The following GCLC variants were observed in gnomAD, a reference collection of about 807,000 sequenced individuals.
GCLC encodes the protein glutamate-cysteine ligase catalytic subunit, also known as glutamate--cysteine ligase catalytic subunit.
In GCLC, 30 loss-of-function variants were observed where a neutral mutation model predicts 81.5. That is an observed-to-expected ratio of 0.37 (90% CI 0.28 to 0.50). The LOEUF is 0.50. GCLC is among the 20% of genes least tolerant of loss of function. The pLI, the probability that GCLC is intolerant of heterozygous loss-of-function variation, is 0.96. For synonymous variants in GCLC, 262 were observed against 273.3 expected, an observed-to-expected ratio of 0.96 and a Z score of 0.41; for missense variants, 556 against 777.4, an observed-to-expected ratio of 0.72 and a Z score of 3.39.
intron 1 of GCLC, among the ~76,000 whole-genome samples, chr6:53,526,852 C>G (rs1047683008): frequency 6.7e-6 from 1 of 149,734 alleles, no homozygotes; most frequent in Non-Finnish European, 1.5e-5. Context: ...TTATGAAATA[C>G]TAATTTCTTA....
At chr6:53,530,877 C>T (rs561233833) in intron 1 of GCLC, among the ~76,000 whole-genome samples, 16 of 152,266 alleles carry the variant, frequency 1.1e-4, no homozygotes, top group African/African-American at 3.8e-4. Flanking sequence ...TTCTCTTCCT[C>T]GCCACCCTCA....
chr6:53,510,025 G>A (rs1238720975), intron 6 of GCLC: 4 of 152,554 alleles, frequency 2.6e-5, no homozygotes, highest in African/African-American at 4.8e-5. Context: ...GAAAGACAGG[G>A]AAGCAGTTAA....
intron 4 of GCLC, 152 bp from the exon 5 acceptor site, chr6:53,514,649 C>A: frequency 1.4e-6 from 1 of 722,858 alleles, no homozygotes. Context: ...GGTGTCAAGA[C>A]ACTACAAGGG....
At chr6:53,524,010 AG>A (rs1390471276) in intron 1 of GCLC, 2 of 152,240 alleles carry the variant, frequency 1.3e-5, no homozygotes, top group African/African-American at 4.8e-5. Flanking sequence ...CAACAATTAC[AG>A]GTTGCAAGAT....
At chr6:53,514,823 T>C (rs1423210418) in intron 4 of GCLC, among the ~76,000 whole-genome samples, 1 of 152,204 alleles carries the variant, frequency 6.6e-6, no homozygotes, top group East Asian at 1.9e-4. Flanking sequence ...GTTTGCAACA[T>C]GTCCCAAATT....
chr6:53,532,071 T>C (rs1331045133), intron 1 of GCLC, among the ~76,000 whole-genome samples: 10 of 152,258 alleles, frequency 6.6e-5, no homozygotes, highest in Admixed American at 6.5e-4. Context: ...TTAGAGCATA[T>C]GTTTTCTTTA....
chr6:53,527,265 G>A (rs1763099502), intron 1 of GCLC, among the ~76,000 whole-genome samples: 1 of 152,128 alleles, frequency 6.6e-6, no homozygotes, highest in South Asian at 2.1e-4. Flanking sequence ...TGACATCTGG[G>A]GTTCAGGGCC....
At chr6:53,538,420 G>A (rs915858317) in intron 1 of GCLC, among the ~76,000 whole-genome samples, 4 of 151,018 alleles carry the variant, frequency 2.6e-5, no homozygotes, top group East Asian at 3.9e-4. Context: ...TCCGCCTCCC[G>A]GGTTCACGCC....
intron 3 of GCLC, among the ~76,000 whole-genome samples, chr6:53,519,542 A>T (rs1250658112): frequency 2.0e-5 from 3 of 151,898 alleles, no homozygotes; most frequent in South Asian, 4.2e-4. Context: ...ATTGTTCTTC[A>T]ACCCCCCAGC....
chr6:53,500,067 C>T lies in GCLC; in HGVS notation c.1680G>A (p.Lys560=), dbSNP rs146933553. The T allele has an allele frequency of 1.2e-5, 20 of 1,604,522 alleles. No individual in the cohort carries two copies. In the African/African-American group the frequency reaches 1.9e-4, roughly 15 times the overall value. The change falls in exon 15 of 16, where the codon AAG becomes AAA. Residue 560 remains lysine, a synonymous_variant. Coordinates refer to ENST00000650454, the MANE Select transcript of GCLC (RefSeq NM_001498.4). ...TACCAGATGCTCTCTTCTTAATTAG[C>T]TTTAGGTAGTTCAGAATACTACATC... ...DTRCSILNYL[K]LIKKRASGEL... is the part of the protein sequence containing the mutation.
At chr6:53,511,850 C>A (rs542914) in intron 6 of GCLC, among the ~76,000 whole-genome samples, 43,047 of 119,034 alleles carry the variant, frequency 0.36, 7,747 homozygotes, top group Non-Finnish European at 0.39. Flanking sequence ...GAAACTGAAA[C>A]ATCTAATCTA....
At chr6:53,537,304 G>A (rs752764964) in intron 1 of GCLC, among the ~76,000 whole-genome samples, 16 of 152,230 alleles carry the variant, frequency 1.1e-4, no homozygotes, top group Non-Finnish European at 1.8e-4. Context: ...GACAATAAAT[G>A]CTGTTGAATC....
rs1764424377 is a variant in GCLC at position 53,498,576 on chromosome 6, T to G, written c.*180A>C. The G allele has an allele frequency of 1.6e-6, 1 of 635,710 alleles. No individual in the cohort carries two copies. Among genetic ancestry groups the G allele is most frequent in the Non-Finnish European group, 2.8e-6 (1 of 353,546 alleles). 39.4% of individuals were successfully genotyped at this position (635,710 alleles called of 1,614,324 possible). ...AATCAAAAATACTTTACTATGTACA[T>G]GTACACTGTATAAACTCTAGATTTA... On this transcript the variant is annotated 3_prime_UTR_variant, in exon 16 of 16. Transcript: ENST00000650454.
chr6:53,542,738 C>A (rs1040091845), intron 1 of GCLC, among the ~76,000 whole-genome samples: 1 of 152,106 alleles, frequency 6.6e-6, no homozygotes, highest in Non-Finnish European at 1.5e-5. Context: ...GCACAGGGCC[C>A]GGCACATTGG....
At chr6:53,512,684 A>G (rs142622532) in intron 6 of GCLC, among the ~76,000 whole-genome samples, 55 of 152,332 alleles carry the variant, frequency 3.6e-4, no homozygotes, top group African/African-American at 1.2e-3. Context: ...CTAAGCTTAC[A>G]CTAGATGGAA....
In GCLC at chr6:53,506,994, A is replaced by C. The variant is rs765323836; in HGVS notation, c.1116T>G (p.Ala372=). ...GIDHLLAQHV[A]HLFIRDPLTL... ...TCAGTGGGTCTCTAATAAAGAGATG[A>C]GCAACATGCTGGGCCAGGAGATGAT... Residue 372 remains alanine, a synonymous_variant, in exon 10 of 16, where the codon GCT becomes GCG. Coordinates refer to ENST00000650454, the MANE Select transcript of GCLC (RefSeq NM_001498.4). This position sits in a 1 kb window ranked among gnomAD's most constrained non-coding sequence, Gnocchi z 4.0. 2.3e-5 allele frequency: 37 copies of C among 1,610,466 alleles called. No homozygotes were observed. Among genetic ancestry groups the C allele is most frequent in the Non-Finnish European group, 3.1e-5 (37 of 1,176,672 alleles).
At chr6:53,517,259 T>G (rs1361947985) in intron 3 of GCLC, among the ~76,000 whole-genome samples, 19 of 90,792 alleles carry the variant, frequency 2.1e-4, no homozygotes, top group Non-Finnish European at 2.1e-4. Flanking sequence ...GTTTTTTTTT[T>G]TTTTTTTTTT....
intron 6 of GCLC, among the ~76,000 whole-genome samples, chr6:53,512,442 A>G (rs1420434943): frequency 1.3e-5 from 2 of 151,880 alleles, no homozygotes; most frequent in Non-Finnish European, 2.9e-5. Context: ...ATAGATGTAC[A>G]CAGTTTCAGG....
Position 53,522,625 on chromosome 6 carries a change from G to A in GCLC, c.151-98C>T, listed in dbSNP as rs938915228. The stretch of plus-strand genomic sequence containing the variant: ...GGCAGGGAAACGTGAAGTCTGTAAA[G>A]GATCCACAGTAACTCCAGACAGTCA... On this transcript the variant is annotated intron_variant, in intron 1 of 15. Coordinates refer to ENST00000650454, the MANE Select transcript of GCLC (RefSeq NM_001498.4). The A allele has an allele frequency of 1.2e-5, 9 of 743,126 alleles. No homozygotes were observed. The African/African-American group carries it at 1.2e-4, about 10-fold the overall frequency. 46.0% of individuals were successfully genotyped at this position (743,126 alleles called of 1,614,324 possible).
Sources: gnomAD v4.1 joint callset for allele counts (sites outside exome capture counted in the v4.1 genomes callset) on GRCh38, gnomAD v4.1.1 for gene constraint, Gnocchi (gnomAD v3.1) non-coding constraint, MANE v1.5 for transcripts, NCBI Gene and HGNC (gene_info 2026-07-23, HGNC 2026-07-21) for gene names.